Variants in TBX18 observed in about 807,000 individuals in gnomAD.
TBX18 encodes the protein T-box transcription factor TBX18.
In TBX18, 21 loss-of-function variants were observed where a neutral mutation model predicts 55.0. The observed-to-expected ratio is 0.38, with a 90% CI of 0.27 to 0.55. TBX18 has a LOEUF of 0.55. TBX18 is among the 20% of genes least tolerant of loss of function. TBX18 has a pLI of 0.73. For synonymous variants in TBX18, 342 were observed against 326.1 expected (o/e 1.05, Z -0.53); for missense variants, 840 against 799.6 (o/e 1.05, Z -0.61).
intron 5 of TBX18, among the ~76,000 whole-genome samples, chr6:84,746,913 C>T (rs1194793647): frequency 6.6e-6 from 1 of 151,258 alleles, no homozygotes; most frequent in African/African-American, 2.4e-5. Flanking sequence ...AATTACATTT[C>T]ATGTTCCTTC....
chr6:84,740,512 T>A (rs1379793935), intron 6 of TBX18, among the ~76,000 whole-genome samples: 6 of 152,182 alleles, frequency 3.9e-5, no homozygotes, highest in Admixed American at 3.9e-4. Flanking sequence ...TTCATGCCAC[T>A]TGATAGTATT....
chr6:84,732,617 AAAAG>A lies in TBX18; in HGVS notation c.*4064_*4067del, dbSNP rs1253570428. The A allele has an allele frequency of 6.6e-6, 1 of 152,124 alleles. No individual in the cohort carries two copies. Among genetic ancestry groups the A allele is most frequent in the African/African-American group, 2.4e-5 (1 of 41,456 alleles). The allele number at this position is 152,124 out of a possible 1,614,324, so 9.4% of individuals were successfully genotyped here. On this transcript the variant is annotated 3_prime_UTR_variant, in exon 8 of 8. Coordinates refer to ENST00000369663, the MANE Select transcript of TBX18 (RefSeq NM_001080508.3). ...TGCCATGCAATTAAGAGCATCATGAAAAAGAAATTTTATTAATGTCTTTTACTAT... is the reference window on the plus strand; with the variant it reads ...TGCCATGCAATTAAGAGCATCATGAAAAATTTTATTAATGTCTTTTACTAT...
chr6:84,746,811 G>A (rs1441443855), intron 5 of TBX18, among the ~76,000 whole-genome samples: 3 of 150,092 alleles, frequency 2.0e-5, no homozygotes, highest in Admixed American at 6.7e-5. Flanking sequence ...ATATCTATTA[G>A]CATAGATAAT....
intron 4 of TBX18, among the ~76,000 whole-genome samples, chr6:84,748,814 C>T (rs1767266012): frequency 6.6e-6 from 1 of 152,142 alleles, no homozygotes; most frequent in Non-Finnish European, 1.5e-5. Context: ...AAAAGCTTTT[C>T]ATGTACAAAG....
In TBX18 at chr6:84,764,175, C is replaced by T. The variant is rs759307611; in HGVS notation, c.7G>A (p.Glu3Lys). ...CTGCACGGCGAGCCCCTTCGCTTCT[C>T]GGCCATCCCCCCCGCCCCGCGCCCG... MA[E>K]KRRGSPCSML... The change falls in exon 1 of 8, where the codon GAG becomes AAG. Residue 3 changes from glutamate (E) to lysine (K), a missense_variant. By Grantham distance (56) the Glu-to-Lys change is moderately conservative (BLOSUM62 1). Transcript: ENST00000369663. 11 of 1,477,400 alleles carry T rather than the reference C, an allele frequency of 7.4e-6. No individual in the cohort carries two copies. The highest frequency in any genetic ancestry group is 7.1e-5 in the Admixed American group (3 of 42,408). 91.5% of individuals were successfully genotyped at this position (1,477,400 alleles called of 1,614,324 possible).
chr6:84,755,772 T>C (rs1007700381), intron 4 of TBX18, among the ~76,000 whole-genome samples: 7 of 152,232 alleles, frequency 4.6e-5, no homozygotes, highest in Admixed American at 2.6e-4. Context: ...AATGTTCTCA[T>C]TAAGGTCAAT....
In TBX18 at chr6:84,733,654, A is replaced by C. The variant is rs896824662; in HGVS notation, c.*3031T>G. On this transcript the variant is annotated 3_prime_UTR_variant, in exon 8 of 8. Coordinates refer to ENST00000369663, the MANE Select transcript of TBX18 (RefSeq NM_001080508.3). ...TCTTGCACCTTCTCCTTCCCATACA[A>C]ATCTTCCCAGAATTGTCCTGCTACA... The C allele has an allele frequency of 6.6e-6, 1 of 152,210 alleles. No individual in the cohort carries two copies. The highest frequency in any genetic ancestry group is 1.5e-5 in the Non-Finnish European group (1 of 68,016). 9.4% of individuals were successfully genotyped at this position (152,210 alleles called of 1,614,324 possible).
At chr6:84,740,660 T>C (rs184057912) in intron 6 of TBX18, among the ~76,000 whole-genome samples, 2 of 152,328 alleles carry the variant, frequency 1.3e-5, no homozygotes, top group East Asian at 1.9e-4. Context: ...ATTCAATTTA[T>C]ACCAATACTA....
chr6:84,764,181 T>TCCCCCCCCCC lies in TBX18; in HGVS notation c.-1_1insGGGGGGGGGG. 1 of 1,443,404 alleles carries TCCCCCCCCCC rather than the reference T, an allele frequency of 6.9e-7. No homozygotes were observed. Among genetic ancestry groups the TCCCCCCCCCC allele is most frequent in the Non-Finnish European group, 9.0e-7 (1 of 1,105,874 alleles). The allele number at this position is 1,443,404 out of a possible 1,614,324, so 89.4% of individuals were successfully genotyped here. On this transcript the variant is annotated 5_prime_UTR_variant, in exon 1 of 8. Transcript: ENST00000369663. ...GGCGAGCCCCTTCGCTTCTCGGCCA[T>TCCCCCCCCCC]CCCCCCCGCCCCGCGCCCGCCCGCC... is the stretch of plus-strand genomic sequence containing the variant.
At position 84,763,960 on chromosome 6, in the gene TBX18, C is replaced by A. The variant is rs752791387; in HGVS notation, c.222G>T (p.Ala74=). ...ACGTCGCCCCAGCCGGCGGCGGGAG[C>A]GCAGCGCCTTCGTCTCCCTCAGAAG... is the stretch of plus-strand genomic sequence containing the variant. ...KGSSEGDEGA[A]LPPPAGATSG... is the part of the protein sequence containing the mutation. Residue 74 remains alanine, a synonymous_variant, in exon 1 of 8, where the codon GCG becomes GCT. Coordinates refer to ENST00000369663, the MANE Select transcript of TBX18 (RefSeq NM_001080508.3). 3.2e-6 allele frequency: 5 copies of A among 1,580,062 alleles called. No homozygotes were observed. In the South Asian group the frequency reaches 4.5e-5, roughly 14 times the overall value.
At chr6:84,745,822 T>C (rs544080326) in intron 5 of TBX18, among the ~76,000 whole-genome samples, 2 of 152,256 alleles carry the variant, frequency 1.3e-5, no homozygotes, top group South Asian at 2.1e-4. Flanking sequence ...TACTAACATA[T>C]GTATTGAGTG....
intron 1 of TBX18, chr6:84,762,994 C>T: frequency 3.6e-6 from 2 of 555,196 alleles, no homozygotes; most frequent in Middle Eastern, 4.8e-4. Flanking sequence ...CCGGGAGAGG[C>T]GCGCGGGCAG....
intron 7 of TBX18, 64 bp from the exon 8 acceptor site, chr6:84,737,473 A>G (rs1293313525): frequency 2.0e-6 from 3 of 1,478,506 alleles, no homozygotes; most frequent in Non-Finnish European, 2.7e-6. Context: ...AATTTTGTAA[A>G]TATGAGCTAG....
At chr6:84,740,647 T>TC (rs551832751) in intron 6 of TBX18, among the ~76,000 whole-genome samples, 11 of 152,318 alleles carry the variant, frequency 7.2e-5, no homozygotes, top group Admixed American at 2.6e-4. Flanking sequence ...CTGATCACCC[T>TC]CTATTCAATT....
intron 6 of TBX18, among the ~76,000 whole-genome samples, chr6:84,739,073 A>C (rs1214468676): frequency 6.6e-6 from 1 of 152,124 alleles, no homozygotes; most frequent in Non-Finnish European, 1.5e-5. Flanking sequence ...CAGCCAGCTC[A>C]GGGAAGCACT....
At chr6:84,762,010 T>C (rs1423026411) in intron 2 of TBX18, among the ~76,000 whole-genome samples, 1 of 152,188 alleles carries the variant, frequency 6.6e-6, no homozygotes, top group Non-Finnish European at 1.5e-5. Flanking sequence ...TGACTTTTCC[T>C]CCTAGTCTAA....
At chr6:84,747,002 G>C (rs968723593) in intron 5 of TBX18, among the ~76,000 whole-genome samples, 4 of 151,926 alleles carry the variant, frequency 2.6e-5, no homozygotes, top group African/African-American at 9.7e-5. Flanking sequence ...GTCTCCATAC[G>C]GATAAGAGCT....
intron 2 of TBX18, among the ~76,000 whole-genome samples, chr6:84,760,978 C>G (rs1030249012): frequency 6.6e-6 from 1 of 152,100 alleles, no homozygotes; most frequent in East Asian, 1.9e-4. Flanking sequence ...TTTCTTCCCC[C>G]GCCATACCAT....
At chr6:84,759,847 A>T (rs1767599246) in intron 3 of TBX18, among the ~76,000 whole-genome samples, 1 of 152,066 alleles carries the variant, frequency 6.6e-6, no homozygotes, top group Admixed American at 6.5e-5. Flanking sequence ...TAACAAGATA[A>T]AGGAAATTTA....
Sources: gnomAD v4.1 joint callset for allele counts (sites outside exome capture counted in the v4.1 genomes callset) on GRCh38, gnomAD v4.1.1 for gene constraint, MANE v1.5 for transcripts, NCBI Gene and HGNC (gene_info 2026-07-23, HGNC 2026-07-21) for gene names.